CNTNAP2: variants seen among roughly 807,000 people sequenced by gnomAD.
The protein encoded by CNTNAP2 is contactin-associated protein-like 2.
A neutral mutation model predicts 155.2 loss-of-function variants in CNTNAP2; 98 were observed. The observed-to-expected ratio is 0.63, with a 90% CI of 0.54 to 0.75. CNTNAP2 has a LOEUF of 0.75. CNTNAP2 is among the 30% of genes least tolerant of loss of function. CNTNAP2 has a pLI of 0.00. For synonymous variants in CNTNAP2, 651 were observed against 631.2 expected (o/e 1.03, Z -0.47); for missense variants, 1,727 against 1,688.1 (o/e 1.02, Z -0.40).
At chr7:147,889,522 G>A (rs1799652506) in intron 13 of CNTNAP2, among the ~76,000 whole-genome samples, 1 of 152,068 alleles carries the variant, frequency 6.6e-6, no homozygotes, top group Non-Finnish European at 1.5e-5. Flanking sequence ...TTACAATTCA[G>A]AGCATTACAA....
intron 1 of CNTNAP2, among the ~76,000 whole-genome samples, chr7:146,301,016 A>G (rs1800599140): frequency 6.6e-6 from 1 of 152,208 alleles, no homozygotes; most frequent in South Asian, 2.1e-4. Context: ...TTTTACAAAC[A>G]TGCTATTTAA....
At chr7:146,383,186 G>C (rs573882522) in intron 1 of CNTNAP2, among the ~76,000 whole-genome samples, 4 of 152,112 alleles carry the variant, frequency 2.6e-5, no homozygotes, top group Non-Finnish European at 5.9e-5. Flanking sequence ...TGCTGCACAA[G>C]CATGCTGATT....
intron 17 of CNTNAP2, among the ~76,000 whole-genome samples, 189 bp downstream of exon 17, chr7:148,147,898 C>A (rs577759728): frequency 6.6e-6 from 1 of 152,280 alleles, no homozygotes; most frequent in Non-Finnish European, 1.5e-5. Context: ...AGACCTAGAT[C>A]TCGTTCCACT....
chr7:147,390,045 T>A (rs1020481493), intron 9 of CNTNAP2, among the ~76,000 whole-genome samples: 1 of 152,154 alleles, frequency 6.6e-6, no homozygotes, highest in Admixed American at 6.5e-5. Flanking sequence ...TCACAAACAC[T>A]AATACACTAG....
At chr7:147,084,537 ATAAT>A (rs1800228520) in intron 4 of CNTNAP2, among the ~76,000 whole-genome samples, 1 of 143,320 alleles carries the variant, frequency 7.0e-6, no homozygotes. Flanking sequence ...AATACTATAT[ATAAT>A]ATATAATAAT....
At chr7:146,636,195 G>T (rs1034773741) in intron 1 of CNTNAP2, among the ~76,000 whole-genome samples, 1 of 151,994 alleles carries the variant, frequency 6.6e-6, no homozygotes, top group Non-Finnish European at 1.5e-5. Flanking sequence ...GGGCAGGGCA[G>T]GGGGGCGGGG....
At position 146,706,349 on chromosome 7, in the gene CNTNAP2, G is replaced by C. The variant is rs533726719; in HGVS notation, c.98-67922G>C. On this transcript the variant is annotated intron_variant, in intron 1 of 23. Coordinates refer to ENST00000361727, the MANE Select transcript of CNTNAP2 (RefSeq NM_014141.6). ...AGACAGTTAGGCATTAAGAAAGTAA[G>C]TGAATATAATTCTAGATTGTGATAA... Among the ~76,000 whole-genome samples the C allele has an allele frequency of 3.3e-5, 5 of 152,224 alleles. No homozygotes were observed. In the South Asian group the frequency reaches 1.0e-3, roughly 32 times the overall value.
intron 12 of CNTNAP2, among the ~76,000 whole-genome samples, chr7:147,632,771 A>T (rs191112199): frequency 2.5e-4 from 38 of 152,294 alleles, no homozygotes; most frequent in Middle Eastern, 3.4e-3. Flanking sequence ...AAGACAAGAA[A>T]ATGTGGGAAA....
intron 15 of CNTNAP2, among the ~76,000 whole-genome samples, chr7:148,044,293 G>A (rs1802733752): frequency 2.0e-5 from 3 of 150,924 alleles, no homozygotes; most frequent in Admixed American, 2.0e-4. Flanking sequence ...GGTTGTGGAT[G>A]TTCAGTGTGC....
intron 4 of CNTNAP2, among the ~76,000 whole-genome samples, chr7:147,060,952 T>C (rs1275547858): frequency 2.6e-5 from 4 of 152,242 alleles, no homozygotes; most frequent in African/African-American, 7.2e-5. Context: ...GTATTATGGA[T>C]AACCTTTTTT....
At chr7:147,388,001 A>G (rs1584917831) in intron 9 of CNTNAP2, among the ~76,000 whole-genome samples, 2 of 152,174 alleles carry the variant, frequency 1.3e-5, no homozygotes, top group South Asian at 4.1e-4. Context: ...GTGTAGTGCT[A>G]TTGGAGGAGC....
chr7:146,591,302 C>T (rs991703935), intron 1 of CNTNAP2, among the ~76,000 whole-genome samples: 3 of 152,158 alleles, frequency 2.0e-5, no homozygotes, highest in African/African-American at 4.8e-5. Context: ...GAGGGATACT[C>T]AGCCTGTACT....
intron 10 of CNTNAP2, among the ~76,000 whole-genome samples, chr7:147,470,042 T>C (rs1563216808): frequency 6.6e-6 from 1 of 152,132 alleles, no homozygotes; most frequent in South Asian, 2.1e-4. Flanking sequence ...CAATAGGAAT[T>C]GAATGAGGTG....
chr7:146,154,899 C>T (rs564297019), intron 1 of CNTNAP2, among the ~76,000 whole-genome samples: 2 of 152,108 alleles, frequency 1.3e-5, no homozygotes, highest in Non-Finnish European at 2.9e-5. Flanking sequence ...AGGGGGTTTC[C>T]TTCACAAGAC....
intron 1 of CNTNAP2, among the ~76,000 whole-genome samples, chr7:146,191,638 G>C (rs1798707281): frequency 6.6e-6 from 1 of 152,090 alleles, no homozygotes; most frequent in Admixed American, 6.6e-5. Context: ...TCCCAGAGCG[G>C]CCATTTTAGA....
chr7:146,649,685 C>G (rs1799872564), intron 1 of CNTNAP2, among the ~76,000 whole-genome samples: 1 of 152,062 alleles, frequency 6.6e-6, no homozygotes, highest in South Asian at 2.1e-4. Flanking sequence ...TTTAATTCTG[C>G]TCATTTCTCT....
intron 3 of CNTNAP2, among the ~76,000 whole-genome samples, chr7:147,039,601 C>A (rs954798101): frequency 1.3e-5 from 2 of 152,048 alleles, no homozygotes; most frequent in South Asian, 4.1e-4. Context: ...TGATTCTATG[C>A]CTTTGCTATT....
intron 1 of CNTNAP2, among the ~76,000 whole-genome samples, chr7:146,667,423 A>G (rs1460513208): frequency 2.0e-5 from 3 of 151,974 alleles, no homozygotes; most frequent in Non-Finnish European, 2.9e-5. Flanking sequence ...TGATGCTTCC[A>G]TATTTATTTT....
At chr7:146,361,890 A>G (rs937510371) in intron 1 of CNTNAP2, among the ~76,000 whole-genome samples, 29 of 152,218 alleles carry the variant, frequency 1.9e-4, no homozygotes, top group Admixed American at 1.4e-3. Flanking sequence ...TGAGATTTGT[A>G]TTTTATCATG....
Sources: gnomAD v4.1 joint callset for allele counts (sites outside exome capture counted in the v4.1 genomes callset) on GRCh38, gnomAD v4.1.1 for gene constraint, MANE v1.5 for transcripts, NCBI Gene and HGNC (gene_info 2026-07-23, HGNC 2026-07-21) for gene names.